VPS13D: variants seen among roughly 807,000 people sequenced by gnomAD.
VPS13D encodes the protein vacuolar protein sorting 13 homolog D, also known as intermembrane lipid transfer protein VPS13D.
Under a neutral mutation model 461.9 loss-of-function variants are expected in VPS13D, and 187 were observed. That is an observed-to-expected ratio of 0.40 (90% CI 0.36 to 0.46). The LOEUF (loss-of-function observed/expected upper bound fraction) is 0.46. VPS13D is among the 20% of genes least tolerant of loss of function. The probability of loss-of-function intolerance (pLI) is 0.60; values close to 1 mark genes in which losing one functional copy is unlikely to be tolerated. For synonymous variants in VPS13D, 1,951 were observed against 1,986.3 expected (o/e 0.98, Z 0.47); for missense variants, 4,711 against 5,364.9 (o/e 0.88, Z 3.81).
In VPS13D at chr1:12,311,385, T is replaced by G. The variant is rs992398020; in HGVS notation, c.6651-69T>G. The G allele has an allele frequency of 2.7e-6, 4 of 1,455,880 alleles. No individual in the cohort carries two copies. In the African/African-American group the frequency reaches 5.7e-5, roughly 21 times the overall value. The allele number at this position is 1,455,880 out of a possible 1,614,324, so 90.2% of individuals were successfully genotyped here. A position where few individuals can be genotyped will look rare whatever the true frequency, so the allele number is the denominator to read the frequency against. ...GTGAGTACATTTTAGCCCCGTTGTT[T>G]GGGCGTGAGCTATGTCAGTGTTAAG... is the stretch of plus-strand genomic sequence containing the variant. On this transcript the variant is annotated intron_variant, in intron 27 of 69. Transcript: ENST00000620676.
chr1:12,268,249 C>CTTTT (rs35267390), intron 15 of VPS13D, among the ~76,000 whole-genome samples: 13 of 100,672 alleles, frequency 1.3e-4, no homozygotes, highest in Admixed American at 2.1e-4. Context: ...CATGCCTGAG[C>CTTTT]TTTTTTTTTT....
intron 67 of VPS13D, among the ~76,000 whole-genome samples, chr1:12,487,541 G>A (rs908415995): frequency 6.6e-6 from 1 of 150,918 alleles, no homozygotes; most frequent in East Asian, 2.0e-4. Flanking sequence ...AACCCAGGAG[G>A]TGGAGGTTGC....
intron 55 of VPS13D, among the ~76,000 whole-genome samples, chr1:12,374,682 T>A (rs557823903): frequency 6.6e-6 from 1 of 152,366 alleles, no homozygotes; most frequent in South Asian, 2.1e-4. Context: ...TATGGGCTGC[T>A]GTTTTATTCA....
intron 13 of VPS13D, among the ~76,000 whole-genome samples, chr1:12,266,642 A>G (rs1277752364): frequency 6.6e-6 from 1 of 152,234 alleles, no homozygotes; most frequent in Non-Finnish European, 1.5e-5. Context: ...TGGGAAACCA[A>G]AACATTTGTG....
Position 12,401,732 on chromosome 1 carries a change from T to C in VPS13D, c.11881+28T>C, listed in dbSNP as rs758491792. 1.1e-5 allele frequency: 17 copies of C among 1,580,944 alleles called. No individual in the cohort carries two copies. The South Asian group carries it at 1.9e-4, about 18-fold the overall frequency. On this transcript the variant is annotated intron_variant, in intron 62 of 69. Coordinates refer to ENST00000620676, the MANE Select transcript of VPS13D (RefSeq NM_015378.4). ...AATGTTGAATGTTCTATGTCTGTGT[T>C]TGGGAATTGGTCCAAAGATGGTATT...
Position 12,277,189 on chromosome 1 carries a change from A to T in VPS13D, c.3601A>T (p.Thr1201Ser), listed in dbSNP as rs1641639994. Residue 1201 changes from threonine (T) to serine (S), a missense_variant, in exon 19 of 70, where the codon ACC becomes TCC. Coordinates refer to ENST00000620676, the MANE Select transcript of VPS13D (RefSeq NM_015378.4). ...RKIATASIGG[T>S]KVNVSMGSTF... ...AATTGCAACTGCAAGTATAGGTGGC[A>T]CCAAAGTTAATGTCTCAATGGGTAG... The T allele has an allele frequency of 6.2e-7, 1 of 1,614,134 alleles. No homozygotes were observed.
At chr1:12,261,379 C>G (rs948484740) in intron 12 of VPS13D, among the ~76,000 whole-genome samples, 1 of 152,342 alleles carries the variant, frequency 6.6e-6, no homozygotes, top group East Asian at 1.9e-4. Context: ...TGTAAAAGAA[C>G]TAAATTTGAG....
In VPS13D at chr1:12,342,958, T is replaced by C; in HGVS notation, c.8792T>C (p.Leu2931Pro). The C allele has an allele frequency of 2.5e-6, 4 of 1,613,958 alleles. No individual in the cohort carries two copies. The highest frequency in any genetic ancestry group is 3.4e-6 in the Non-Finnish European group (4 of 1,179,858). ...GTTCCAGAAGGGAACGGAACATTTC[T>C]CGATGATACTCACAATGTTAGTGAA... is the stretch of plus-strand genomic sequence containing the variant. ...GVVPEGNGTF[L>P]DDTHNVSEWR... The change falls in exon 42 of 70, where the codon CTC (leucine) becomes CCC (proline). Residue 2931 changes from leucine (L) to proline (P), a missense_variant. By Grantham distance (98) the Leu-to-Pro change is moderately conservative (BLOSUM62 -3). Transcript: ENST00000620676.
intron 60 of VPS13D, among the ~76,000 whole-genome samples, chr1:12,390,759 C>G (rs1187696655): frequency 5.9e-5 from 9 of 152,192 alleles, no homozygotes. Flanking sequence ...TAAGCACTGG[C>G]TGTAGACAGG....
At chr1:12,368,668 G>T in intron 53 of VPS13D, 77 bp downstream of exon 53, 1 of 1,447,506 alleles carries the variant, frequency 6.9e-7, no homozygotes, top group South Asian at 1.6e-5. Flanking sequence ...TTGACACAAT[G>T]GTACAATACA....
At chr1:12,493,334 T>C (rs1339897699) in intron 67 of VPS13D, among the ~76,000 whole-genome samples, 1 of 151,644 alleles carries the variant, frequency 6.6e-6, no homozygotes, top group Non-Finnish European at 1.5e-5. Context: ...TATAAAAAAA[T>C]TAGCTGGGCA....
intron 65 of VPS13D, among the ~76,000 whole-genome samples, chr1:12,430,295 C>T (rs529037820): frequency 6.6e-6 from 1 of 152,264 alleles, no homozygotes; most frequent in South Asian, 2.1e-4. Context: ...TCAAGTTTAT[C>T]CCCATTTGAC....
chr1:12,319,542 A>C lies in VPS13D; in HGVS notation c.7460A>C (p.Asn2487Thr). ...VIEDVSCFDT[N>T]AIILKGTTVL... ...GAAGATGTGTCCTGCTTCGACACCA[A>C]TGCCATTATTCTGAAAGGCACCACA... The change falls in exon 32 of 70, where the codon AAT (asparagine) becomes ACT (threonine). Residue 2487 changes from asparagine (N) to threonine (T), a missense_variant. Physicochemically the swap from Asn to Thr is moderately conservative, Grantham distance 65. Coordinates refer to ENST00000620676, the MANE Select transcript of VPS13D (RefSeq NM_015378.4). 1 of 1,614,138 alleles carries C rather than the reference A, an allele frequency of 6.2e-7. No homozygotes were observed. Among genetic ancestry groups the C allele is most frequent in the Non-Finnish European group, 8.5e-7 (1 of 1,180,006 alleles).
chr1:12,242,427 C>G (rs538984002), intron 2 of VPS13D, 86 bp from the exon 3 acceptor site: 3 of 1,235,290 alleles, frequency 2.4e-6, no homozygotes, highest in Non-Finnish European at 3.5e-6. Context: ...GTAAAACTTT[C>G]CCTTTAACCT....
At chr1:12,436,029 A>G (rs181052565) in intron 65 of VPS13D, among the ~76,000 whole-genome samples, 10 of 152,282 alleles carry the variant, frequency 6.6e-5, no homozygotes, top group African/African-American at 1.9e-4. Context: ...AGGTCTATTT[A>G]TTGTGTCTCT....
At chr1:12,485,437 G>GT (rs1157796991) in intron 67 of VPS13D, among the ~76,000 whole-genome samples, 2 of 152,198 alleles carry the variant, frequency 1.3e-5, no homozygotes, top group African/African-American at 2.4e-5. Context: ...TGGCCCTGCC[G>GT]TGTCATATGG....
At chr1:12,465,294 C>T (rs1249847937) in intron 67 of VPS13D, 1 of 152,134 alleles carries the variant, frequency 6.6e-6, no homozygotes, top group East Asian at 1.9e-4. Flanking sequence ...CTGAGGTTTC[C>T]TCTAAAATAT....
At chr1:12,403,643 T>C (rs533148542) in intron 62 of VPS13D, among the ~76,000 whole-genome samples, 182 bp from the exon 63 acceptor site, 11 of 152,334 alleles carry the variant, frequency 7.2e-5, no homozygotes, top group African/African-American at 2.4e-4. Context: ...AAAACAGATC[T>C]ACTCTTACAA....
At chr1:12,376,953 T>C (rs1262509361) in intron 55 of VPS13D, among the ~76,000 whole-genome samples, 1 of 152,202 alleles carries the variant, frequency 6.6e-6, no homozygotes, top group Non-Finnish European at 1.5e-5. Context: ...GTTATTTCAC[T>C]GTGGGGAAGT....
Sources: gnomAD v4.1 joint callset for allele counts (sites outside exome capture counted in the v4.1 genomes callset) on GRCh38, gnomAD v4.1.1 for gene constraint, MANE v1.5 for transcripts, NCBI Gene and HGNC (gene_info 2026-07-23, HGNC 2026-07-21) for gene names.